UGT1A5: variants seen among roughly 807,000 people sequenced by gnomAD.
The protein encoded by UGT1A5 is UDP-glucuronosyltransferase 1A5.
Under a neutral mutation model 40.3 loss-of-function variants are expected in UGT1A5, and 29 were observed. The ratio of observed to expected loss-of-function variants is 0.72; its 90% CI spans 0.54 to 0.98. UGT1A5 has a LOEUF of 0.98. UGT1A5 is among the 50% of genes least tolerant of loss of function. UGT1A5 has a pLI of 0.00. For missense variants in UGT1A5, 678 were observed against 677.9 expected (o/e 1.00, Z 0.00); for synonymous variants, 257 against 262.5 (o/e 0.98, Z 0.20).
chr2:233,769,450 T>A lies in UGT1A5; in HGVS notation c.1307+1011T>A. On this transcript the variant is annotated intron_variant, in intron 4 of 4. Coordinates refer to ENST00000373414, the MANE Select transcript of UGT1A5 (RefSeq NM_019078.2). The surrounding 1 kb of genome is among the most constrained non-coding windows in gnomAD (Gnocchi z 4.4). Reference sequence around the variant, plus strand: ...CTGTGCTCATGTGTGGGTGCACACGTGTGCATTCATATGCGTGTGTGTGTG... The same window carrying A: ...CTGTGCTCATGTGTGGGTGCACACGAGTGCATTCATATGCGTGTGTGTGTG... The A allele has an allele frequency of 1.3e-6, 2 of 1,587,838 alleles. No individual in the cohort carries two copies. The highest frequency in any genetic ancestry group is 1.7e-6 in the Non-Finnish European group (2 of 1,158,796).
intron 1 of UGT1A5, chr2:233,743,965 G>A (rs1040596623): frequency 9.0e-6 from 12 of 1,330,234 alleles, no homozygotes; most frequent in Non-Finnish European, 1.0e-5. Context: ...CGAGCGGCAA[G>A]GCTGCCAGCA....
chr2:233,766,838 C>T (rs906628829), intron 1 of UGT1A5, among the ~76,000 whole-genome samples, 196 bp from the exon 2 acceptor site: 1 of 152,156 alleles, frequency 6.6e-6, no homozygotes, highest in Non-Finnish European at 1.5e-5. Flanking sequence ...TAAGCAGGAA[C>T]CCTTCCTCCT....
chr2:233,716,551 C>A (rs886765309), intron 1 of UGT1A5, among the ~76,000 whole-genome samples: 2 of 152,122 alleles, frequency 1.3e-5, no homozygotes, highest in Admixed American at 6.5e-5. Context: ...TCCTTATATT[C>A]CTTTTTTCAT....
In UGT1A5 at chr2:233,745,466, G is replaced by A. The variant is rs190513469; in HGVS notation, c.868-21568G>A. On this transcript the variant is annotated intron_variant, in intron 1 of 4. Transcript: ENST00000373414. ...AGTAAAGGTCACTCAGTTCTAAGGG[G>A]AAAATGATTAACCAAAGAACATTCT... Among the ~76,000 whole-genome samples, 657 of 151,722 alleles carry A rather than the reference G, an allele frequency of 4.3e-3. 15 individuals carry two copies. Among genetic ancestry groups the A allele is most frequent in the Non-Finnish European group, 5.8e-3 (396 of 68,008 alleles).
chr2:233,754,301 G>C (rs576538259), intron 1 of UGT1A5: 100 of 236,450 alleles, frequency 4.2e-4, no homozygotes, highest in African/African-American at 2.0e-3. Flanking sequence ...CTAGCACTAG[G>C]AAATAATCAT....
chr2:233,727,683 T>C (rs2077639465), intron 1 of UGT1A5, among the ~76,000 whole-genome samples: 1 of 152,204 alleles, frequency 6.6e-6, no homozygotes, highest in Admixed American at 6.5e-5. Flanking sequence ...TTCCCAGGAA[T>C]CATCCTCTAC....
intron 1 of UGT1A5, chr2:233,729,354 C>T: frequency 1.9e-6 from 3 of 1,614,190 alleles, no homozygotes; most frequent in African/African-American, 1.3e-5. Context: ...ACTTTTTCAC[C>T]CTGACAACCT....
At chr2:233,715,581 G>T (rs2076458979) in intron 1 of UGT1A5, among the ~76,000 whole-genome samples, 4 of 152,084 alleles carry the variant, frequency 2.6e-5, no homozygotes, top group Middle Eastern at 6.8e-3. Flanking sequence ...AGAGCAGCCT[G>T]GGCAACATGC....
intron 1 of UGT1A5, among the ~76,000 whole-genome samples, chr2:233,738,371 C>A (rs1337680224): frequency 1.3e-5 from 2 of 152,150 alleles, no homozygotes; most frequent in African/African-American, 4.8e-5. Context: ...TGCTATAAAA[C>A]TACTTGAAAA....
intron 1 of UGT1A5, chr2:233,755,218 C>A (rs1203897935): frequency 2.4e-5 from 25 of 1,027,326 alleles, no homozygotes; most frequent in Non-Finnish European, 3.5e-5. Flanking sequence ...TTCTTGATAC[C>A]CTCGGACGAG....
In UGT1A5 at chr2:233,717,239, G is replaced by A. The variant is rs28898607; in HGVS notation, c.867+3381G>A. 4.1e-3 allele frequency among the ~76,000 whole-genome samples: 632 copies of A among 152,306 alleles called. 8 individuals are homozygous for A. Among genetic ancestry groups the A allele is most frequent in the African/African-American group, 0.014 (600 of 41,574 alleles). On this transcript the variant is annotated intron_variant, in intron 1 of 4. Coordinates refer to ENST00000373414, the MANE Select transcript of UGT1A5 (RefSeq NM_019078.2). ...TCATCAGGAGGGTTCTTAAGATGCAGACAGTTTTAAGGGGGTTGGAGGAAT... is the reference window on the plus strand; with the variant it reads ...TCATCAGGAGGGTTCTTAAGATGCAAACAGTTTTAAGGGGGTTGGAGGAAT...
chr2:233,728,963 A>G (rs747345180), intron 1 of UGT1A5: 195 of 1,450,970 alleles, frequency 1.3e-4, no homozygotes, highest in Non-Finnish European at 1.6e-4. Flanking sequence ...AGTGAAAAAC[A>G]GTGATAGATT....
At chr2:233,729,079 C>T (rs372945950) in intron 1 of UGT1A5, 2 of 1,611,886 alleles carry the variant, frequency 1.2e-6, no homozygotes, top group African/African-American at 2.7e-5. Flanking sequence ...GCAAATGTAG[C>T]AGGCACAGCG....
At chr2:233,734,058 T>C (rs887358519) in intron 1 of UGT1A5, among the ~76,000 whole-genome samples, 3 of 152,142 alleles carry the variant, frequency 2.0e-5, no homozygotes, top group Non-Finnish European at 4.4e-5. Context: ...TATACATATG[T>C]AACAAACCTG....
At chr2:233,752,528 TC>T (rs1436450769) in intron 1 of UGT1A5, 1 of 152,210 alleles carries the variant, frequency 6.6e-6, no homozygotes, top group African/African-American at 2.4e-5. Context: ...TTCTAAAAAT[TC>T]TTTAAATAAA....
chr2:233,769,725 C>T lies in UGT1A5; in HGVS notation c.1307+1286C>T, dbSNP rs1699926771. The T allele has an allele frequency of 6.7e-7, 1 of 1,483,194 alleles. No homozygotes were observed. Among genetic ancestry groups the T allele is most frequent in the Non-Finnish European group, 9.0e-7 (1 of 1,115,276 alleles). 91.9% of individuals were successfully genotyped at this position (1,483,194 alleles called of 1,614,324 possible). On this transcript the variant is annotated intron_variant, in intron 4 of 4. Transcript: ENST00000373414. This position sits in a 1 kb window ranked among gnomAD's most constrained non-coding sequence, Gnocchi z 4.4. The stretch of plus-strand genomic sequence containing the variant: ...TCAATGTTGGCTAGGCACCATGGCA[C>T]ACGCCTGTAGTCCCAGCCACTCTGG...
Position 233,768,202 on chromosome 2 carries a change from C to A in UGT1A5, c.1088-18C>A. 6.2e-7 allele frequency: 1 copy of A among 1,614,156 alleles called. No individual in the cohort carries two copies. On this transcript the variant is annotated intron_variant, in intron 3 of 4. Transcript: ENST00000373414. ...TCAGAGATGTAACTGCTGACATCCT[C>A]CCTATTTTGCATCTCAGGTCACCCG...
chr2:233,738,354 G>A lies in UGT1A5; in HGVS notation c.867+24496G>A, dbSNP rs1033187922. Among the ~76,000 whole-genome samples the A allele has an allele frequency of 9.2e-5, 14 of 152,188 alleles. 1 individual carries two copies. Among genetic ancestry groups the A allele is most frequent in the Admixed American group, 7.2e-4 (11 of 15,278 alleles). The stretch of plus-strand genomic sequence containing the variant: ...ACAGTAAATTGGTGTCATGGAGAGT[G>A]GGGTACTGCTATAAAACTACTTGAA... On this transcript the variant is annotated intron_variant, in intron 1 of 4. Coordinates refer to ENST00000373414, the MANE Select transcript of UGT1A5 (RefSeq NM_019078.2).
intron 1 of UGT1A5, among the ~76,000 whole-genome samples, chr2:233,756,653 T>C (rs1696281522): frequency 6.6e-6 from 1 of 152,220 alleles, no homozygotes; most frequent in South Asian, 2.1e-4. Flanking sequence ...AAACATGGGA[T>C]GCAGTGATTA....
Sources: allele counts gnomAD v4.1 joint callset (sites outside exome capture counted in the v4.1 genomes callset), GRCh38; gene constraint gnomAD v4.1.1; non-coding constraint Gnocchi (gnomAD v3.1); transcripts MANE v1.5; gene names NCBI Gene and HGNC (gene_info 2026-07-23, HGNC 2026-07-21).